Variants in PDE3A observed in about 807,000 individuals in gnomAD.
PDE3A encodes the protein phosphodiesterase 3A, also known as cGMP-inhibited 3',5'-cyclic phosphodiesterase 3A.
Under a neutral mutation model 98.3 loss-of-function variants are expected in PDE3A, and 43 were observed. That is an observed-to-expected ratio of 0.44 (90% CI 0.34 to 0.56). The LOEUF (loss-of-function observed/expected upper bound fraction) is 0.56, where lower values mean the gene tolerates loss of function less well. Ranked by LOEUF, PDE3A falls within the 20% of genes least tolerant of loss-of-function variation. The pLI, the probability that PDE3A is intolerant of heterozygous loss-of-function variation, is 0.01. For missense variants in PDE3A, 1,427 were observed against 1,440.7 expected (o/e 0.99, Z 0.15); for synonymous variants, 663 against 567.9 (o/e 1.17, Z -2.38).
At chr12:20,393,981 A>T (rs1591880900) in intron 1 of PDE3A, among the ~76,000 whole-genome samples, 1 of 152,068 alleles carries the variant, frequency 6.6e-6, no homozygotes, top group East Asian at 1.9e-4. Context: ...TTGACGTGAG[A>T]GAAAAAGTTT....
chr12:20,674,142 A>G (rs1005147826), intron 15 of PDE3A, among the ~76,000 whole-genome samples: 4 of 152,156 alleles, frequency 2.6e-5, no homozygotes, highest in African/African-American at 9.7e-5. Flanking sequence ...TAGAAATACT[A>G]CTGATTTTTT....
intron 1 of PDE3A, among the ~76,000 whole-genome samples, chr12:20,538,293 G>T (rs1415036132): frequency 1.3e-5 from 2 of 152,058 alleles, no homozygotes; most frequent in Non-Finnish European, 2.9e-5. Flanking sequence ...TCCCCTCATG[G>T]TCGCTTTGTG....
At chr12:20,622,842 A>G (rs1944170311) in intron 5 of PDE3A, among the ~76,000 whole-genome samples, 1 of 152,102 alleles carries the variant, frequency 6.6e-6, no homozygotes. Context: ...GGGAAGCATC[A>G]CCAGTTAAGG....
Position 20,630,058 on chromosome 12 carries a change from C to T in PDE3A, c.1691C>T (p.Ala564Val), listed in dbSNP as rs1165983718. 6.2e-7 allele frequency: 1 copy of T among 1,613,774 alleles called. No individual in the cohort carries two copies. Among genetic ancestry groups the T allele is most frequent in the Non-Finnish European group, 8.5e-7 (1 of 1,179,898 alleles). ...AAACAAAGCCTAGGTTCTCACAGGG[C>T]CTTAACTTACACTCAGAGTGCCCCA... is the stretch of plus-strand genomic sequence containing the variant. ...TAKQSLGSHR[A>V]LTYTQSAPDL... The change falls in exon 6 of 16, where the codon GCC becomes GTC. Residue 564 changes from alanine to valine, a missense_variant. Transcript: ENST00000359062.
rs771586800 is a variant in PDE3A at position 20,369,542 on chromosome 12, C to T, written c.258C>T (p.Gly86=). ...TGAGGCTGGTCCGCGGGGAGGTCGG[C>T]TGTGACCTGGAGCAGTGTAAGGAGG... is the stretch of plus-strand genomic sequence containing the variant. ...LLVRLVRGEV[G]CDLEQCKEAA... is the part of the protein sequence containing the mutation. The change falls in exon 1 of 16, where the codon GGC becomes GGT. Residue 86 remains glycine (G), a synonymous_variant. Transcript: ENST00000359062. 6.4e-7 allele frequency: 1 copy of T among 1,558,746 alleles called. No homozygotes were observed. The highest frequency in any genetic ancestry group is 8.7e-7 in the Non-Finnish European group (1 of 1,151,758).
At chr12:20,641,761 A>G (rs1944651946) in intron 10 of PDE3A, among the ~76,000 whole-genome samples, 1 of 152,108 alleles carries the variant, frequency 6.6e-6, no homozygotes, top group African/African-American at 2.4e-5. Flanking sequence ...TTACATTTTT[A>G]TATGTTACAA....
At chr12:20,663,492 A>G (rs1945232969) in intron 15 of PDE3A, among the ~76,000 whole-genome samples, 2 of 152,174 alleles carry the variant, frequency 1.3e-5, no homozygotes, top group South Asian at 4.1e-4. Context: ...AAAGCTGCCC[A>G]AGGCTGTGGG....
chr12:20,659,340 A>G (rs192946653), intron 15 of PDE3A, among the ~76,000 whole-genome samples: 2 of 152,300 alleles, frequency 1.3e-5, no homozygotes, highest in Admixed American at 1.3e-4. Flanking sequence ...TCTGCAGTAT[A>G]TCAAAATAAA....
chr12:20,531,748 A>T (rs1049966235), intron 1 of PDE3A, among the ~76,000 whole-genome samples: 2 of 152,202 alleles, frequency 1.3e-5, no homozygotes, highest in African/African-American at 4.8e-5. Context: ...GTGTCAAGAC[A>T]TTGCGCTATT....
chr12:20,549,719 C>G (rs1042268970), intron 1 of PDE3A, among the ~76,000 whole-genome samples: 3 of 151,932 alleles, frequency 2.0e-5, no homozygotes, highest in Non-Finnish European at 4.4e-5. Flanking sequence ...TCATACCTTT[C>G]AAATATAATA....
chr12:20,517,771 T>C (rs143817582), intron 1 of PDE3A, among the ~76,000 whole-genome samples: 135 of 152,340 alleles, frequency 8.9e-4, no homozygotes, highest in African/African-American at 3.2e-3. Flanking sequence ...GGCCATTTTC[T>C]CTTATCCCTG....
intron 1 of PDE3A, among the ~76,000 whole-genome samples, chr12:20,392,047 A>G (rs1215336721): frequency 6.6e-6 from 1 of 151,972 alleles, no homozygotes; most frequent in Non-Finnish European, 1.5e-5. Flanking sequence ...GAGACCCTTA[A>G]CACATACTAG....
chr12:20,582,705 T>C (rs1361515493), intron 2 of PDE3A, among the ~76,000 whole-genome samples: 2 of 152,120 alleles, frequency 1.3e-5, no homozygotes, highest in Non-Finnish European at 2.9e-5. Flanking sequence ...GACCATAGAC[T>C]TTTTTCATGT....
chr12:20,437,985 A>G lies in PDE3A; in HGVS notation c.960+67741A>G, dbSNP rs575168290. The stretch of plus-strand genomic sequence containing the variant: ...TAAAGAAAAAGGATTTTTTTTTTCC[A>G]GTAAGATTTACCAGTCAAAGCAGGA... On this transcript the variant is annotated intron_variant, in intron 1 of 15. Coordinates refer to ENST00000359062, the MANE Select transcript of PDE3A (RefSeq NM_000921.5). 6.0e-5 allele frequency among the ~76,000 whole-genome samples: 9 copies of G among 148,920 alleles called. No individual in the cohort carries two copies. The South Asian group carries it at 1.9e-3, about 32-fold the overall frequency.
chr12:20,461,154 G>A (rs1247071327), intron 1 of PDE3A, among the ~76,000 whole-genome samples: 1 of 148,438 alleles, frequency 6.7e-6, no homozygotes, highest in Non-Finnish European at 1.5e-5. Context: ...TCACCTTGGA[G>A]CTAGGATGCT....
chr12:20,680,174 C>T lies in PDE3A; in HGVS notation c.3329C>T (p.Ser1110Leu), dbSNP rs151154069. The T allele has an allele frequency of 6.1e-5, 99 of 1,613,526 alleles. No individual in the cohort carries two copies. Among genetic ancestry groups the T allele is most frequent in the Middle Eastern group, 3.3e-4 (2 of 6,084 alleles). Residue 1110 changes from serine to leucine, a missense_variant, in exon 16 of 16, where the codon TCG (serine) becomes TTG (leucine). By Grantham distance (145) the Ser-to-Leu change is moderately radical (BLOSUM62 -2). Transcript: ENST00000359062. ...CAATCCCTGGACCAGACCCCTCAGTCGCACTCTTCAGAACAGATCCAGGCT... is the reference window on the plus strand; with the variant it reads ...CAATCCCTGGACCAGACCCCTCAGTTGCACTCTTCAGAACAGATCCAGGCT... ...ENQSLDQTPQ[S>L]HSSEQIQAIK...
chr12:20,487,664 ATAAAT>A (rs1945755475), intron 1 of PDE3A, among the ~76,000 whole-genome samples: 6 of 129,892 alleles, frequency 4.6e-5, no homozygotes, highest in African/African-American at 1.3e-4. Context: ...AGAAAAAAAA[ATAAAT>A]AAATAAAAAA....
intron 2 of PDE3A, among the ~76,000 whole-genome samples, chr12:20,579,709 C>A (rs1943021032): frequency 6.6e-6 from 1 of 152,174 alleles, no homozygotes; most frequent in Non-Finnish European, 1.5e-5. Flanking sequence ...ACAGCAACAG[C>A]CCACTCTGGG....
At chr12:20,534,209 G>A (rs1388629819) in intron 1 of PDE3A, among the ~76,000 whole-genome samples, 1 of 152,178 alleles carries the variant, frequency 6.6e-6, no homozygotes, top group African/African-American at 2.4e-5. Flanking sequence ...GAGAATGAGA[G>A]TTCCTCCAAG....
Sources: allele counts gnomAD v4.1 joint callset (sites outside exome capture counted in the v4.1 genomes callset), GRCh38; gene constraint gnomAD v4.1.1; transcripts MANE v1.5; gene names NCBI Gene and HGNC (gene_info 2026-07-23, HGNC 2026-07-21).